The following XRN2 variants were observed in gnomAD, a reference collection of about 807,000 sequenced individuals.
XRN2 encodes DHM1-like protein.
In XRN2, 44 loss-of-function variants were observed where a neutral mutation model predicts 138.5. The observed-to-expected ratio is 0.32, with a 90% confidence interval of 0.25 to 0.41. The LOEUF (loss-of-function observed/expected upper bound fraction) is 0.41, where lower values mean the gene tolerates loss of function less well. Among genes scored for constraint, XRN2 ranks in the 10% least tolerant of loss-of-function variants. The probability of loss-of-function intolerance (pLI) is 1.00; values close to 1 mark genes in which losing one functional copy is unlikely to be tolerated. For synonymous variants in XRN2, 354 were observed against 369.4 expected, an observed-to-expected ratio of 0.96 and a Z score of 0.48; for missense variants, 937 against 1,169.3, an observed-to-expected ratio of 0.80 and a Z score of 2.90.
At chr20:21,329,224 T>G (rs1319052507) in intron 4 of XRN2, among the ~76,000 whole-genome samples, 1 of 151,910 alleles carries the variant, frequency 6.6e-6, no homozygotes, top group African/African-American at 2.4e-5. Context: ...GGGGTTAGGG[T>G]GGGATGTCTT....
At chr20:21,344,649 T>C (rs762906590) in intron 16 of XRN2, among the ~76,000 whole-genome samples, 2 of 152,234 alleles carry the variant, frequency 1.3e-5, no homozygotes, top group Non-Finnish European at 1.5e-5. Context: ...AAATGAAATA[T>C]GCAGAAATCA....
chr20:21,346,701 C>T (rs2038440643), intron 17 of XRN2, 151 bp downstream of exon 17: 6 of 906,300 alleles, frequency 6.6e-6, no homozygotes, highest in Non-Finnish European at 9.8e-6. Flanking sequence ...CTCACTGCGA[C>T]CTCTGCCTCC....
chr20:21,341,228 C>CA (rs1006351168), intron 15 of XRN2, among the ~76,000 whole-genome samples: 18 of 152,192 alleles, frequency 1.2e-4, no homozygotes, highest in African/African-American at 4.1e-4. Context: ...AGAAGCTTGT[C>CA]AAGGGACATC....
intron 6 of XRN2, 120 bp from the exon 7 acceptor site, chr20:21,331,439 CCT>C: frequency 1.7e-6 from 1 of 574,096 alleles, no homozygotes. Flanking sequence ...ACACACACAC[CCT>C]TATTCAGAAA....
intron 24 of XRN2, among the ~76,000 whole-genome samples, chr20:21,360,238 TG>T (rs1391529537): frequency 2.6e-5 from 4 of 152,198 alleles, no homozygotes; most frequent in Non-Finnish European, 4.4e-5. Context: ...GCCCTGGCCC[TG>T]TGCTTGAACC....
intron 24 of XRN2, among the ~76,000 whole-genome samples, chr20:21,358,831 T>C (rs1053936456): frequency 6.6e-6 from 1 of 152,160 alleles, no homozygotes; most frequent in Non-Finnish European, 1.5e-5. Context: ...TTGTTAAGGG[T>C]GGAGTACAGA....
At chr20:21,372,723 T>C (rs1168902908) in intron 27 of XRN2, among the ~76,000 whole-genome samples, 2 of 152,190 alleles carry the variant, frequency 1.3e-5, no homozygotes, top group Admixed American at 1.3e-4. Flanking sequence ...AGTGTAGTTT[T>C]TATGAAATAG....
At chr20:21,338,965 C>G in intron 13 of XRN2, 79 bp from the exon 14 acceptor site, 1 of 1,391,706 alleles carries the variant, frequency 7.2e-7, no homozygotes, top group Non-Finnish European at 1.0e-6. Context: ...AAGTTGTCTC[C>G]CAAATCATTC....
chr20:21,374,306 TTTTG>T (rs1385270368), intron 27 of XRN2, among the ~76,000 whole-genome samples: 6 of 152,168 alleles, frequency 3.9e-5, no homozygotes, highest in South Asian at 2.1e-4. Flanking sequence ...TTAATGCCTT[TTTTG>T]TTTGTTTTTT....
intron 28 of XRN2, among the ~76,000 whole-genome samples, chr20:21,385,400 TA>T (rs2038927222): frequency 6.6e-6 from 1 of 152,236 alleles, no homozygotes; most frequent in Non-Finnish European, 1.5e-5. Context: ...CTCTTCTTGC[TA>T]AAACAGATGG....
At chr20:21,369,241 GATCTCATTCTTTTTTGTGGCT>G (rs1438258490) in intron 27 of XRN2, among the ~76,000 whole-genome samples, 3 of 152,162 alleles carry the variant, frequency 2.0e-5, no homozygotes, top group Non-Finnish European at 4.4e-5. Flanking sequence ...CAGGTGACAA[GATCTCATTCTTTTTTGTGGCT>G]GAACAGTACT....
Position 21,365,703 on chromosome 20 carries a change from G to T in XRN2, c.2455G>T (p.Gly819Cys), listed in dbSNP as rs760638669. 2 of 1,591,608 alleles carry T rather than the reference G, an allele frequency of 1.3e-6. No homozygotes were observed. Among genetic ancestry groups the T allele is most frequent in the Admixed American group, 1.7e-5 (1 of 57,486 alleles). Residue 819 changes from glycine (G) to cysteine (C), a missense_variant and splice_region_variant, in exon 26 of 30, where the codon GGC (glycine) becomes TGC (cysteine). Around this residue, in one of 6 missense-constraint regions of XRN2, gnomAD observed 372 missense variants for 414.4 expected, o/e 0.90. Transcript: ENST00000377191. ...HLDQAAFRTL[G>C]HVMPRGSGTG... ...GGATCAGGCAGCCTTCAGGACTTTG[G>T]GGTGAGTTGTCAGTTTTTAGCCCTT...
intron 9 of XRN2, among the ~76,000 whole-genome samples, chr20:21,333,309 G>A (rs1293747661): frequency 6.6e-6 from 1 of 152,140 alleles, no homozygotes; most frequent in East Asian, 1.9e-4. Flanking sequence ...TCCCCCAGTA[G>A]CCAAAATAAT....
intron 19 of XRN2, among the ~76,000 whole-genome samples, chr20:21,348,885 T>C (rs1487532758): frequency 3.9e-5 from 6 of 152,150 alleles, no homozygotes; most frequent in African/African-American, 1.4e-4. Context: ...CCTCGTGATC[T>C]GCCCACCTCG....
intron 1 of XRN2, among the ~76,000 whole-genome samples, chr20:21,322,873 A>G (rs2038065467): frequency 6.6e-6 from 1 of 152,180 alleles, no homozygotes; most frequent in Non-Finnish European, 1.5e-5. Flanking sequence ...AGGCAGAGCT[A>G]CCTTGACTGC....
At chr20:21,371,900 C>A (rs1000704236) in intron 27 of XRN2, among the ~76,000 whole-genome samples, 8 of 152,232 alleles carry the variant, frequency 5.3e-5, no homozygotes, top group African/African-American at 1.9e-4. Flanking sequence ...TTGTTTGCAT[C>A]TGTGTATTTT....
chr20:21,328,259 C>T (rs2038155091), intron 3 of XRN2, among the ~76,000 whole-genome samples: 1 of 152,112 alleles, frequency 6.6e-6, no homozygotes, highest in South Asian at 2.1e-4. Context: ...ATCAAGCACC[C>T]TAACCGAGGG....
chr20:21,307,846 A>T (rs1408876574), intron 1 of XRN2, among the ~76,000 whole-genome samples: 1 of 77,860 alleles, frequency 1.3e-5, no homozygotes, highest in Admixed American at 1.5e-4. Context: ...ATTATATAGT[A>T]TATACTCATT....
rs2038406920 is a variant in XRN2 at position 21,344,148 on chromosome 20, G to A, written c.1469G>A (p.Gly490Glu). ...FTSDGSPSPL[G>E]GIKRKAEDSD... The stretch of plus-strand genomic sequence containing the variant: ...TCTGATGGCTCCCCGTCTCCATTAG[G>A]AGGAATTAAGCGAAAAGCAGAAGAC... The change falls in exon 16 of 30, where the codon GGA (glycine) becomes GAA (glutamate). Residue 490 changes from glycine (G) to glutamate (E), a missense_variant. Gly to Glu is a moderately conservative substitution (Grantham distance 98). Coordinates refer to ENST00000377191, the MANE Select transcript of XRN2 (RefSeq NM_012255.5). 6.2e-7 allele frequency: 1 copy of A among 1,613,562 alleles called. No homozygotes were observed. Among genetic ancestry groups the A allele is most frequent in the Non-Finnish European group, 8.5e-7 (1 of 1,179,562 alleles).
Sources: gnomAD v4.1 joint callset for allele counts (sites outside exome capture counted in the v4.1 genomes callset) on GRCh38, gnomAD v4.1.1 for gene constraint, gnomAD v4.1.1 regional missense constraint, MANE v1.5 for transcripts, NCBI Gene and HGNC (gene_info 2026-07-23, HGNC 2026-07-21) for gene names.